The following NUMB variants were observed in gnomAD, a reference collection of about 807,000 sequenced individuals.
NUMB encodes the protein protein numb homolog.
A neutral mutation model predicts 59.7 loss-of-function variants in NUMB; 29 were observed. The ratio of observed to expected loss-of-function variants is 0.49; its 90% CI spans 0.36 to 0.66. The LOEUF (loss-of-function observed/expected upper bound fraction) is 0.66, where lower values mean the gene tolerates loss of function less well. NUMB is among the 30% of genes least tolerant of loss of function. NUMB has a pLI of 0.00. For missense variants in NUMB, 723 were observed against 822.0 expected (o/e 0.88, Z 1.47); for synonymous variants, 288 against 288.2 (o/e 1.00, Z 0.01).
At chr14:73,425,933 G>A (rs950406538) in intron 1 of NUMB, among the ~76,000 whole-genome samples, 4 of 151,062 alleles carry the variant, frequency 2.6e-5, no homozygotes, top group East Asian at 2.0e-4. Context: ...CTCAGTCTCC[G>A]GAATAGGTGG....
At position 73,275,634 on chromosome 14, in the gene NUMB, G is replaced by A. The variant is rs1294851039; in HGVS notation, c.*944C>T. 1 of 152,070 alleles carries A rather than the reference G, an allele frequency of 6.6e-6. No individual in the cohort carries two copies. Among genetic ancestry groups the A allele is most frequent in the Non-Finnish European group, 1.5e-5 (1 of 68,018 alleles). 9.4% of individuals were successfully genotyped at this position (152,070 alleles called of 1,614,324 possible). On this transcript the variant is annotated 3_prime_UTR_variant, in exon 13 of 13. Transcript: ENST00000555238. ...ATATATTCTCTATAGAGCATATTTC[G>A]ATTGATTCCATTAAAATAATGACAT...
intron 4 of NUMB, among the ~76,000 whole-genome samples, chr14:73,331,940 G>A (rs893161145): frequency 6.6e-6 from 1 of 152,104 alleles, no homozygotes; most frequent in Non-Finnish European, 1.5e-5. Flanking sequence ...AACTAATACA[G>A]TACCCCAGCC....
chr14:73,287,048 A>G (rs1363720840), intron 9 of NUMB, 62 bp downstream of exon 9: 2 of 1,517,886 alleles, frequency 1.3e-6, no homozygotes, highest in Non-Finnish European at 1.8e-6. Context: ...TGGTAGCTTC[A>G]AAATAATACC....
intron 2 of NUMB, among the ~76,000 whole-genome samples, chr14:73,404,260 A>AAAT (rs10677503): frequency 0.45 from 66,242 of 145,750 alleles, 15,661 homozygotes; most frequent in East Asian, 0.79. Context: ...AAAAAAGGTA[A>AAAT]AATAATAATA....
chr14:73,384,279 C>T (rs1041516658), intron 2 of NUMB, among the ~76,000 whole-genome samples: 30 of 151,320 alleles, frequency 2.0e-4, no homozygotes, highest in Non-Finnish European at 4.4e-5. Context: ...TTAGTAGAGA[C>T]GGGGTTTCAC....
chr14:73,443,772 T>A (rs1224070019), intron 1 of NUMB, among the ~76,000 whole-genome samples: 2 of 151,896 alleles, frequency 1.3e-5, no homozygotes, highest in African/African-American at 4.8e-5. Context: ...AGCCACAGCC[T>A]CCCGAGTGGC....
At chr14:73,365,320 C>T (rs1252252544) in intron 3 of NUMB, among the ~76,000 whole-genome samples, 3 of 152,036 alleles carry the variant, frequency 2.0e-5, no homozygotes, top group African/African-American at 7.2e-5. Context: ...AGATTACAGG[C>T]GTGAGCCATC....
chr14:73,289,500 G>A (rs559339615), intron 8 of NUMB, among the ~76,000 whole-genome samples: 22 of 152,198 alleles, frequency 1.4e-4, no homozygotes, highest in African/African-American at 4.8e-4. Flanking sequence ...AGTCTTTTGT[G>A]GTGTTCTCAA....
At chr14:73,401,450 A>G (rs1397719295) in intron 2 of NUMB, among the ~76,000 whole-genome samples, 1 of 152,300 alleles carries the variant, frequency 6.6e-6, no homozygotes, top group Non-Finnish European at 1.5e-5. Flanking sequence ...ATAATGACTA[A>G]CTGGCTATAA....
chr14:73,451,175 C>A (rs8003484), intron 1 of NUMB, among the ~76,000 whole-genome samples: 72,276 of 103,136 alleles, frequency 0.7, 25,852 homozygotes, highest in East Asian at 0.83. Flanking sequence ...AAAAAAAAAA[C>A]AAAAAACAAA....
At position 73,320,522 on chromosome 14, in the gene NUMB, T is replaced by A. The variant is rs190086973; in HGVS notation, c.201+2608A>T. Among the ~76,000 whole-genome samples the A allele has an allele frequency of 1.7e-3, 265 of 152,328 alleles. 1 individual carries two copies. Among genetic ancestry groups the A allele is most frequent in the African/African-American group, 6.1e-3 (253 of 41,584 alleles). Reference sequence around the variant, plus strand: ...AGCTGAGATTATAGGCGCAAGCTACTGTGTTCGGCTTAAAACTTTCTTTTA... The same window carrying A: ...AGCTGAGATTATAGGCGCAAGCTACAGTGTTCGGCTTAAAACTTTCTTTTA... On this transcript the variant is annotated intron_variant, in intron 5 of 12. Coordinates refer to ENST00000555238, the MANE Select transcript of NUMB (RefSeq NM_001005743.2).
chr14:73,352,644 C>A (rs2140010944), intron 4 of NUMB, among the ~76,000 whole-genome samples: 1 of 145,234 alleles, frequency 6.9e-6, no homozygotes, highest in East Asian at 2.0e-4. Flanking sequence ...ACGCGATTCT[C>A]CTGCCTCAGC....
At position 73,275,905 on chromosome 14, in the gene NUMB, C is replaced by G. The variant is rs1888120755; in HGVS notation, c.*673G>C. The G allele has an allele frequency of 6.6e-6, 1 of 152,636 alleles. No individual in the cohort carries two copies. Among genetic ancestry groups the G allele is most frequent in the Non-Finnish European group, 1.5e-5 (1 of 68,050 alleles). 9.5% of individuals were successfully genotyped at this position (152,636 alleles called of 1,614,324 possible). A position where few individuals can be genotyped will look rare whatever the true frequency, so the allele number is the denominator to read the frequency against. On this transcript the variant is annotated 3_prime_UTR_variant, in exon 13 of 13. Transcript: ENST00000555238. Reference sequence around the variant, plus strand: ...CAATTTCTTACAACTAGCCCCTTTACCTTTGGCAAGATTACTTACAACTCA... The same window carrying G: ...CAATTTCTTACAACTAGCCCCTTTAGCTTTGGCAAGATTACTTACAACTCA...
At chr14:73,447,675 CAAA>C (rs200212444) in intron 1 of NUMB, among the ~76,000 whole-genome samples, 1 of 105,396 alleles carries the variant, frequency 9.5e-6, no homozygotes. Context: ...CTCATCTCTA[CAAA>C]AAAAAAAAGA....
chr14:73,343,657 A>T (rs545969012), intron 4 of NUMB, among the ~76,000 whole-genome samples: 96 of 151,142 alleles, frequency 6.4e-4, no homozygotes, highest in African/African-American at 2.2e-3. Flanking sequence ...TACAAAAAAC[A>T]TTTGCTTCTT....
intron 6 of NUMB, among the ~76,000 whole-genome samples, chr14:73,310,901 T>C (rs1890744807): frequency 6.6e-6 from 1 of 152,180 alleles, no homozygotes; most frequent in African/African-American, 2.4e-5. Flanking sequence ...ACATTAAAAT[T>C]ATAAAAACAT....
At chr14:73,430,572 TGCAGTGA>T (rs1223036440) in intron 1 of NUMB, among the ~76,000 whole-genome samples, 1 of 152,036 alleles carries the variant, frequency 6.6e-6, no homozygotes, top group East Asian at 1.9e-4. Context: ...GGGTCGAGGC[TGCAGTGA>T]GCCATGATTA....
intron 3 of NUMB, among the ~76,000 whole-genome samples, chr14:73,360,739 C>G (rs145715118): frequency 8.1e-4 from 124 of 152,306 alleles, no homozygotes; most frequent in African/African-American, 2.7e-3. Context: ...TGGTCTCCCA[C>G]TCATTCTTCA....
intron 3 of NUMB, among the ~76,000 whole-genome samples, chr14:73,358,442 C>T (rs142214759): frequency 1.2e-4 from 19 of 152,270 alleles, no homozygotes; most frequent in African/African-American, 4.6e-4. Context: ...CTACCCTAAA[C>T]TACTTACAGT....
Sources: allele counts gnomAD v4.1 joint callset (sites outside exome capture counted in the v4.1 genomes callset), GRCh38; gene constraint gnomAD v4.1.1; transcripts MANE v1.5; gene names NCBI Gene and HGNC (gene_info 2026-07-23, HGNC 2026-07-21).